CACNA2D1: variants seen among roughly 807,000 people sequenced by gnomAD.
The protein encoded by CACNA2D1 is voltage-dependent calcium channel subunit alpha-2/delta-1.
Under a neutral mutation model 171.5 loss-of-function variants are expected in CACNA2D1, and 53 were observed. The observed-to-expected ratio is 0.31, with a 90% confidence interval of 0.25 to 0.39. CACNA2D1 has a LOEUF of 0.39. CACNA2D1 is among the 10% of genes least tolerant of loss of function. The pLI is 1.00. For missense variants in CACNA2D1, 903 were observed against 1,299.8 expected, an observed-to-expected ratio of 0.69 and a Z score of 4.69; for synonymous variants, 442 against 443.1, an observed-to-expected ratio of 1.00 and a Z score of 0.03.
At chr7:82,056,282 T>C (rs1584566704) in intron 10 of CACNA2D1, among the ~76,000 whole-genome samples, 1 of 152,148 alleles carries the variant, frequency 6.6e-6, no homozygotes, top group Non-Finnish European at 1.5e-5. Flanking sequence ...GCATGGCTGG[T>C]TGTCCAAAGT....
intron 3 of CACNA2D1, among the ~76,000 whole-genome samples, chr7:82,279,664 T>C (rs2129370300): frequency 6.6e-6 from 1 of 152,332 alleles, no homozygotes; most frequent in Non-Finnish European, 1.5e-5. Context: ...CTTTTCATAA[T>C]TGCTCTCTCC....
chr7:82,019,617 A>G (rs1385789090), intron 12 of CACNA2D1, among the ~76,000 whole-genome samples: 1 of 152,106 alleles, frequency 6.6e-6, no homozygotes, highest in Admixed American at 6.6e-5. Flanking sequence ...GTTTTGTTTG[A>G]AAACTAAAAT....
chr7:82,013,424 GA>G (rs937140099), intron 14 of CACNA2D1, 36 bp downstream of exon 14: 20 of 925,648 alleles, frequency 2.2e-5, no homozygotes, highest in South Asian at 1.2e-4. Context: ...TCTTTTACTT[GA>G]AAAAAATAAT....
intron 4 of CACNA2D1, among the ~76,000 whole-genome samples, chr7:82,163,215 G>C (rs1795117572): frequency 6.6e-6 from 1 of 152,028 alleles, no homozygotes; most frequent in Non-Finnish European, 1.5e-5. Context: ...CATCTGAAGG[G>C]AGATAGTACC....
At chr7:82,227,195 A>G (rs572061551) in intron 3 of CACNA2D1, among the ~76,000 whole-genome samples, 1 of 152,284 alleles carries the variant, frequency 6.6e-6, no homozygotes, top group South Asian at 2.1e-4. Flanking sequence ...ATTCTCAATG[A>G]GTTCAGGAAT....
chr7:81,969,721 T>C (rs1795067600), intron 28 of CACNA2D1, among the ~76,000 whole-genome samples, 160 bp downstream of exon 28: 1 of 151,354 alleles, frequency 6.6e-6, no homozygotes, highest in South Asian at 2.1e-4. Context: ...TAAATGATGT[T>C]TCTTTTCTAT....
At position 82,276,735 on chromosome 7, in the gene CACNA2D1, CCTTTTT is replaced by C. The variant is rs1000828824; in HGVS notation, c.294+58394_294+58399del. Among the ~76,000 whole-genome samples the C allele has an allele frequency of 1.9e-4, 29 of 150,260 alleles. 1 individual carries two copies. In the South Asian group the frequency reaches 2.7e-3, roughly 14 times the overall value. On this transcript the variant is annotated intron_variant, in intron 3 of 38. Coordinates refer to ENST00000356860, the MANE Select transcript of CACNA2D1 (RefSeq NM_000722.4). ...ATGGATACATTGACATCCATCTCTC[CCTTTTT>C]CTTTTTCTTTTTCTTTTTTTTTTTT... is the stretch of plus-strand genomic sequence containing the variant.
chr7:82,068,841 T>G (rs1199830394), intron 7 of CACNA2D1, among the ~76,000 whole-genome samples: 1 of 152,166 alleles, frequency 6.6e-6, no homozygotes, highest in East Asian at 1.9e-4. Flanking sequence ...TCACTACCAT[T>G]GCTAATTGAA....
At chr7:81,963,039 A>G (rs1794328885) in intron 34 of CACNA2D1, among the ~76,000 whole-genome samples, 1 of 151,998 alleles carries the variant, frequency 6.6e-6, no homozygotes, top group South Asian at 2.1e-4. Flanking sequence ...CTGACAACTG[A>G]GCCAAATTTC....
At position 82,037,801 on chromosome 7, in the gene CACNA2D1, A is replaced by C. The variant is rs879660; in HGVS notation, c.1038+276T>G. Among the ~76,000 whole-genome samples the C allele has an allele frequency of 0.49, 74,257 of 152,056 alleles. 20,639 individuals carry two copies. The highest frequency in any genetic ancestry group is 0.61 in the Non-Finnish European group (41,546 of 67,976). ...TTCTATATAGGCCAATTAAGTTTCA[A>C]GTGCTTATTCAAAATTAAATTATTT... On this transcript the variant is annotated intron_variant, in intron 11 of 38. Transcript: ENST00000356860.
chr7:82,052,535 C>T (rs1417560221), intron 10 of CACNA2D1, among the ~76,000 whole-genome samples: 2 of 152,082 alleles, frequency 1.3e-5, no homozygotes, highest in African/African-American at 2.4e-5. Flanking sequence ...AATCAATTCT[C>T]TTTACCTGTA....
At chr7:82,114,828 C>T (rs900684653) in intron 6 of CACNA2D1, among the ~76,000 whole-genome samples, 5 of 151,426 alleles carry the variant, frequency 3.3e-5, no homozygotes, top group African/African-American at 1.2e-4. Flanking sequence ...GTTCTGGCCA[C>T]ACCACATTTA....
chr7:82,242,848 G>A (rs1041786397), intron 3 of CACNA2D1, among the ~76,000 whole-genome samples: 4 of 152,002 alleles, frequency 2.6e-5, no homozygotes, highest in Admixed American at 1.3e-4. Context: ...TACTTTGTAA[G>A]AGCAAGAAAA....
intron 1 of CACNA2D1, among the ~76,000 whole-genome samples, chr7:82,402,202 C>A (rs916584377): frequency 6.6e-6 from 1 of 152,102 alleles, no homozygotes; most frequent in East Asian, 1.9e-4. Flanking sequence ...AAAGGAACAG[C>A]ATATGCAAAG....
At chr7:82,246,977 C>T (rs922334737) in intron 3 of CACNA2D1, among the ~76,000 whole-genome samples, 11 of 152,094 alleles carry the variant, frequency 7.2e-5, no homozygotes, top group African/African-American at 2.7e-4. Flanking sequence ...CACCAGTCTC[C>T]AGCTTTGAGA....
intron 1 of CACNA2D1, among the ~76,000 whole-genome samples, chr7:82,433,093 C>CA (rs200548130): frequency 0.016 from 2,413 of 148,442 alleles, 24 homozygotes; most frequent in Middle Eastern, 0.056. Flanking sequence ...GAGGCTGAGA[C>CA]AAAAAAATCA....
chr7:82,129,832 T>C (rs1398989762), intron 5 of CACNA2D1, among the ~76,000 whole-genome samples: 3 of 152,166 alleles, frequency 2.0e-5, no homozygotes, highest in Non-Finnish European at 2.9e-5. Context: ...TCCCCAAGTG[T>C]TTGTCCTTGG....
intron 37 of CACNA2D1, 81 bp downstream of exon 37, chr7:81,959,639 T>C: frequency 7.1e-7 from 1 of 1,412,182 alleles, no homozygotes; most frequent in Non-Finnish European, 9.8e-7. Flanking sequence ...GTTTTCTCTT[T>C]ATGAATATAA....
At chr7:82,322,831 C>A (rs1442299485) in intron 3 of CACNA2D1, among the ~76,000 whole-genome samples, 1 of 152,004 alleles carries the variant, frequency 6.6e-6, no homozygotes, top group East Asian at 1.9e-4. Context: ...TATAAAAAAG[C>A]CAGGATGGGT....
Sources: allele counts gnomAD v4.1 joint callset (sites outside exome capture counted in the v4.1 genomes callset), GRCh38; gene constraint gnomAD v4.1.1; transcripts MANE v1.5; gene names NCBI Gene and HGNC (gene_info 2026-07-23, HGNC 2026-07-21).